The following CD81 variants were observed in gnomAD, a reference collection of about 807,000 sequenced individuals.
CD81 encodes the protein CD81 antigen.
CD81 carries 10 observed loss-of-function variants against 30.1 expected under a neutral mutation model. The observed-to-expected ratio is 0.33, with a 90% CI of 0.21 to 0.56. The LOEUF (loss-of-function observed/expected upper bound fraction) is 0.56. Among genes scored for constraint, CD81 ranks in the 20% least tolerant of loss-of-function variants. The pLI is 0.89. For synonymous variants in CD81, 147 were observed against 126.4 expected (o/e 1.16, Z -1.10); for missense variants, 263 against 308.7 (o/e 0.85, Z 1.11).
chr11:2,386,456 C>T, intron 1 of CD81: 1 of 688,802 alleles, frequency 1.5e-6, no homozygotes, highest in Non-Finnish European at 2.7e-6. Flanking sequence ...TTGGTGCTGC[C>T]ATTGCCCTCC....
intron 6 of CD81, 143 bp downstream of exon 6, chr11:2,396,113 G>T: frequency 1.5e-6 from 1 of 652,932 alleles, no homozygotes; most frequent in Non-Finnish European, 2.8e-6. Flanking sequence ...TGCTCTGCTG[G>T]GAGGGTTGGG....
Position 2,394,980 on chromosome 11 carries a change from C to T in CD81, c.288C>T (p.Thr96=), listed in dbSNP as rs202086417. The stretch of plus-strand genomic sequence containing the variant: ...CCACTGCCCGGCTCCAGTTCTTCAC[C>T]TGCCTGGTCATCCTGTTTGCCTGTG... ...ESQCLLGTFF[T]CLVILFACEV... The change falls in exon 4 of 8, where the codon ACC becomes ACT. Residue 96 remains threonine (T), a synonymous_variant. Transcript: ENST00000263645. 298 of 1,612,794 alleles carry T rather than the reference C, an allele frequency of 1.8e-4. 2 individuals are homozygous for T. The East Asian group carries it at 4.7e-3, about 25-fold the overall frequency.
intron 1 of CD81, chr11:2,385,805 C>T (rs757630222): frequency 2.2e-5 from 14 of 626,348 alleles, no homozygotes; most frequent in Middle Eastern, 2.5e-4. Context: ...ACCCGTTCAC[C>T]GGTCAGTGGG....
At chr11:2,396,156 G>A (rs1342990391) in intron 6 of CD81, 186 bp downstream of exon 6, 4 of 651,728 alleles carry the variant, frequency 6.1e-6, no homozygotes, top group African/African-American at 1.8e-5. Flanking sequence ...AGGAAGGCAG[G>A]CGCCCTGTGC....
chr11:2,382,466 C>T (rs1487307499), intron 1 of CD81: 1 of 152,296 alleles, frequency 6.6e-6, no homozygotes, highest in Non-Finnish European at 1.5e-5. Context: ...GTCATGTGCT[C>T]TCCCACCACG....
At chr11:2,388,472 C>T (rs1175813100) in intron 1 of CD81, among the ~76,000 whole-genome samples, 1 of 152,218 alleles carries the variant, frequency 6.6e-6, no homozygotes, top group Non-Finnish European at 1.5e-5. Context: ...CCCTGCTTCC[C>T]TGGCCAGGGC....
At chr11:2,394,849 G>A in intron 3 of CD81, 123 bp from the exon 4 acceptor site, 1 of 868,800 alleles carries the variant, frequency 1.2e-6, no homozygotes, top group Non-Finnish European at 1.9e-6. Context: ...TCCTGGTCAG[G>A]TCGTGGGCTG....
chr11:2,386,627 G>T (rs757575221), intron 1 of CD81: 29 of 717,080 alleles, frequency 4.0e-5, no homozygotes, highest in Non-Finnish European at 7.0e-5. Context: ...GGGCTGGGAA[G>T]ACCAAGGCTC....
rs1178592966 is a variant in CD81, at chr11:2,394,155, A to C, written c.242A>C (p.Tyr81Ser). The C allele has an allele frequency of 6.2e-7, 1 of 1,612,928 alleles. No homozygotes were observed. The highest frequency in any genetic ancestry group is 2.2e-5 in the East Asian group (1 of 44,854). Residue 81 changes from tyrosine (Y) to serine (S), a missense_variant, in exon 3 of 8, where the codon TAC becomes TCC. By Grantham distance (144) the Tyr-to-Ser change is moderately radical. Transcript: ENST00000263645. Reference protein sequence around the residue: ...VMMFVGFLGCYGAIQESQCLL... With the variant: ...VMMFVGFLGCSGAIQESQCLL... Reference sequence around the variant, plus strand: ...ATGTTCGTTGGCTTCCTGGGCTGCTACGGGGCCATCCAGGAATCCCAGTGC... The same window carrying C: ...ATGTTCGTTGGCTTCCTGGGCTGCTCCGGGGCCATCCAGGAATCCCAGTGC...
intron 2 of CD81, chr11:2,391,194 T>G (rs1370777581): frequency 6.1e-6 from 1 of 162,874 alleles, no homozygotes; most frequent in East Asian, 1.7e-4. Context: ...CTGGTGCTGG[T>G]GGGGCTCTGG....
rs970845732 is a variant in CD81, at chr11:2,378,317, A to C, written c.66+702A>C. On this transcript the variant is annotated intron_variant, in intron 1 of 7. Coordinates refer to ENST00000263645, the MANE Select transcript of CD81 (RefSeq NM_004356.4). This position sits in a 1 kb window ranked among gnomAD's most constrained non-coding sequence, Gnocchi z 4.9. ...TCCTCACCCAGACACGTTCCAGCGG[A>C]GGCCTCCTCCCAGAAGGGCTCTGGA... is the stretch of plus-strand genomic sequence containing the variant. 6.6e-6 allele frequency among the ~76,000 whole-genome samples: 1 copy of C among 152,104 alleles called. No homozygotes were observed. Among genetic ancestry groups the C allele is most frequent in the African/African-American group, 2.4e-5 (1 of 41,434 alleles).
chr11:2,384,879 G>A (rs1849763576), intron 1 of CD81, among the ~76,000 whole-genome samples: 1 of 152,106 alleles, frequency 6.6e-6, no homozygotes, highest in Admixed American at 6.5e-5. Context: ...GCTGAGATGG[G>A]CCTGAGGTCG....
At position 2,390,307 on chromosome 11, in the gene CD81, G is replaced by A. The variant is rs979355947; in HGVS notation, c.67-105G>A. On this transcript the variant is annotated intron_variant, in intron 1 of 7. Coordinates refer to ENST00000263645, the MANE Select transcript of CD81 (RefSeq NM_004356.4). ...CAGAGCTGACACCTGGTCCCTGCTCGGGAGCCAGCAAGGCAGGAGGCTGCT... is the reference window on the plus strand; with the variant it reads ...CAGAGCTGACACCTGGTCCCTGCTCAGGAGCCAGCAAGGCAGGAGGCTGCT... 8.0e-5 allele frequency: 71 copies of A among 888,476 alleles called. No homozygotes were observed. In the Middle Eastern group the frequency reaches 9.5e-4, roughly 12 times the overall value. The allele number at this position is 888,476 out of a possible 1,614,324, so 55.0% of individuals were successfully genotyped here. A position where few individuals can be genotyped will look rare whatever the true frequency, so the allele number is the denominator to read the frequency against.
At chr11:2,386,786 C>T (rs1849806281) in intron 1 of CD81, 3 of 639,286 alleles carry the variant, frequency 4.7e-6, no homozygotes, top group Admixed American at 2.2e-5. Context: ...CCACCCCCTC[C>T]TGGCCCAGCT....
Position 2,396,728 on chromosome 11 carries a change from G to A in CD81, c.648+14G>A. 1 of 1,611,534 alleles carries A rather than the reference G, an allele frequency of 6.2e-7. No individual in the cohort carries two copies. The highest frequency in any genetic ancestry group is 8.5e-7 in the Non-Finnish European group (1 of 1,179,922). On this transcript the variant is annotated intron_variant, in intron 7 of 7. Transcript: ENST00000263645. ...GCTGTGATCATGGTGAGCGGGCGGG[G>A]GCGGAGGGCCTGCTCTCTGGGCTGC...
At chr11:2,381,479 A>G (rs1036360783) in intron 1 of CD81, among the ~76,000 whole-genome samples, 7 of 152,178 alleles carry the variant, frequency 4.6e-5, no homozygotes, top group Non-Finnish European at 1.5e-5. Context: ...TCCCTTTCTC[A>G]TAACTGCTTC....
chr11:2,388,109 C>T (rs11826179), intron 1 of CD81, among the ~76,000 whole-genome samples: 15,947 of 152,154 alleles, frequency 0.1, 2,409 homozygotes, highest in African/African-American at 0.34. Context: ...TGCAGTGGCA[C>T]AATCATAACT....
intron 1 of CD81, among the ~76,000 whole-genome samples, chr11:2,385,071 G>A (rs1023537934): frequency 1.3e-4 from 20 of 152,144 alleles, no homozygotes; most frequent in Non-Finnish European, 2.6e-4. Context: ...GCTTGCCCCT[G>A]GGAAGCGTTG....
chr11:2,387,435 G>T (rs1421143166), intron 1 of CD81, among the ~76,000 whole-genome samples: 1 of 152,214 alleles, frequency 6.6e-6, no homozygotes, highest in African/African-American at 2.4e-5. Context: ...GGAAGCCAGA[G>T]TTACCACGGC....
Sources: gnomAD v4.1 joint callset for allele counts (sites outside exome capture counted in the v4.1 genomes callset) on GRCh38, gnomAD v4.1.1 for gene constraint, Gnocchi (gnomAD v3.1) non-coding constraint, MANE v1.5 for transcripts, NCBI Gene and HGNC (gene_info 2026-07-23, HGNC 2026-07-21) for gene names.